Variants in SEM1 observed in about 807,000 individuals in gnomAD.
The protein encoded by SEM1 is 26S proteasome complex subunit SEM1.
SEM1 carries 3 observed loss-of-function variants against 12.7 expected under a neutral mutation model. That is an observed-to-expected ratio of 0.24 (90% CI 0.11 to 0.61). The LOEUF is 0.61. Ranked by LOEUF, SEM1 falls within the 20% of genes least tolerant of loss-of-function variation. The pLI is 0.88. For missense variants in SEM1, 59 were observed against 81.3 expected (o/e 0.73, Z 1.06); for synonymous variants, 30 against 27.8 (o/e 1.08, Z -0.25).
exon 2 of SEM1, chr7:96,486,205 G>A: frequency 2.0e-6 from 3 of 1,530,986 alleles, no homozygotes; most frequent in Non-Finnish European, 2.6e-6. Flanking sequence ...CTGCTTACCT[G>A]CAGACCCAGG....
intron 2 of SEM1, among the ~76,000 whole-genome samples, chr7:96,656,136 C>A (rs138772927): frequency 1.7e-3 from 264 of 152,308 alleles, no homozygotes; most frequent in African/African-American, 6.2e-3. Flanking sequence ...TCCCTCCACC[C>A]AAATTCCGAG....
At chr7:96,655,105 G>T (rs1047579527) in intron 2 of SEM1, among the ~76,000 whole-genome samples, 10 of 152,082 alleles carry the variant, frequency 6.6e-5, no homozygotes, top group Admixed American at 1.3e-4. Context: ...GCCAGCAGGG[G>T]GTTAATTTTG....
At chr7:96,488,257 G>A (rs1412282157) in intron 1 of SEM1, among the ~76,000 whole-genome samples, 1 of 152,118 alleles carries the variant, frequency 6.6e-6, no homozygotes, top group South Asian at 2.1e-4. Context: ...TGGGCACTGG[G>A]TGCATGGGAT....
intron 2 of SEM1, among the ~76,000 whole-genome samples, chr7:96,659,789 AAACT>A (rs1788925641): frequency 6.6e-6 from 1 of 152,046 alleles, no homozygotes; most frequent in Admixed American, 6.5e-5. Flanking sequence ...GAATACTTAC[AAACT>A]AATAGAGGGA....
intron 2 of SEM1, among the ~76,000 whole-genome samples, chr7:96,643,793 C>CA (rs1426841031): frequency 1.3e-5 from 2 of 151,986 alleles, no homozygotes; most frequent in African/African-American, 4.8e-5. Flanking sequence ...CATCACACAC[C>CA]AGGGCCTGTC....
intron 1 of SEM1, chr7:96,696,195 C>G (rs1020609988): frequency 4.6e-5 from 7 of 151,606 alleles, no homozygotes; most frequent in South Asian, 4.2e-4. Flanking sequence ...ATTTTAATGG[C>G]TGGGAAAGGA....
At chr7:96,485,301 C>A (rs1802708012) in intron 2 of SEM1, among the ~76,000 whole-genome samples, 2 of 152,100 alleles carry the variant, frequency 1.3e-5, no homozygotes, top group African/African-American at 4.8e-5. Flanking sequence ...TCTTACAGTT[C>A]TGGAGGTCAG....
chr7:96,584,300 C>G (rs1197274713), intron 2 of SEM1, among the ~76,000 whole-genome samples: 2 of 152,170 alleles, frequency 1.3e-5, no homozygotes, highest in African/African-American at 2.4e-5. Flanking sequence ...TTGGCCCCCA[C>G]TCTCTTCTGG....
chr7:96,566,054 A>T (rs1243896968), intron 2 of SEM1, among the ~76,000 whole-genome samples: 2 of 151,854 alleles, frequency 1.3e-5, no homozygotes, highest in African/African-American at 4.8e-5. Context: ...AAACATCTGC[A>T]GTTTGTTGTG....
At chr7:96,675,638 A>G (rs1789431851) in intron 2 of SEM1, among the ~76,000 whole-genome samples, 1 of 152,132 alleles carries the variant, frequency 6.6e-6, no homozygotes, top group African/African-American at 2.4e-5. Flanking sequence ...GAGGACACTA[A>G]GTGCCAGCTC....
At chr7:96,590,704 A>C (rs531756772) in intron 2 of SEM1, among the ~76,000 whole-genome samples, 1 of 152,346 alleles carries the variant, frequency 6.6e-6, no homozygotes, top group Non-Finnish European at 1.5e-5. Context: ...ATCTAAGGCA[A>C]TTACTTAAAA....
chr7:96,491,767 A>C (rs1220371443), intron 1 of SEM1, among the ~76,000 whole-genome samples: 1 of 152,250 alleles, frequency 6.6e-6, no homozygotes, highest in African/African-American at 2.4e-5. Flanking sequence ...GCACAGTAAT[A>C]TATCTGAAGT....
intron 2 of SEM1, among the ~76,000 whole-genome samples, chr7:96,545,531 C>A (rs1805079706): frequency 6.6e-6 from 1 of 152,012 alleles, no homozygotes; most frequent in African/African-American, 2.4e-5. Context: ...TTGGCTAGCA[C>A]TAAGTTTTAT....
At chr7:96,669,547 T>C (rs1366906440), downstream of SEM1, among the ~76,000 whole-genome samples, 2 of 152,196 alleles carry the variant, frequency 1.3e-5, no homozygotes, top group Non-Finnish European at 2.9e-5. Context: ...GGGCTAGATT[T>C]TGTCTGCAGA....
At chr7:96,621,150 A>T (rs1807880844), downstream of SEM1, among the ~76,000 whole-genome samples, 1 of 152,242 alleles carries the variant, frequency 6.6e-6, no homozygotes, top group African/African-American at 2.4e-5. Flanking sequence ...GAATAGAAGT[A>T]GATTGATTGT....
exon 4 of SEM1, chr7:96,483,738 A>C: frequency 7.7e-7 from 1 of 1,293,208 alleles, no homozygotes; most frequent in South Asian, 1.3e-5. Flanking sequence ...GAAAGCTAGG[A>C]AGTATAGTTC....
At chr7:96,503,165 G>A (rs188359039) in intron 3 of SEM1, among the ~76,000 whole-genome samples, 1 of 152,160 alleles carries the variant, frequency 6.6e-6, no homozygotes, top group Non-Finnish European at 1.5e-5. Flanking sequence ...TGATCAGCTC[G>A]GTTGTTAAAA....
chr7:96,507,403 G>A (rs1262202972), intron 2 of SEM1, among the ~76,000 whole-genome samples: 2 of 152,002 alleles, frequency 1.3e-5, no homozygotes, highest in Non-Finnish European at 2.9e-5. Flanking sequence ...TATAACTACT[G>A]CAACACAAAA....
chr7:96,598,980 C>G (rs896496144), intron 2 of SEM1, among the ~76,000 whole-genome samples: 7 of 150,980 alleles, frequency 4.6e-5, no homozygotes, highest in Admixed American at 1.3e-4. Flanking sequence ...AAGAGAGATA[C>G]AACCAAGAGG....
Sources: gnomAD v4.1 joint callset for allele counts (sites outside exome capture counted in the v4.1 genomes callset) on GRCh38, gnomAD v4.1.1 for gene constraint, MANE v1.5 for transcripts, NCBI Gene and HGNC (gene_info 2026-07-23, HGNC 2026-07-21) for gene names.